CENPC: variants seen among roughly 807,000 people sequenced by gnomAD.
CENPC encodes the protein CENP-C 1.
A neutral mutation model predicts 112.1 loss-of-function variants in CENPC; 63 were observed. That is an observed-to-expected ratio of 0.56 (90% CI 0.46 to 0.69). CENPC has a LOEUF of 0.69. Ranked by LOEUF, CENPC falls within the 30% of genes least tolerant of loss-of-function variation. The probability of loss-of-function intolerance (pLI) is 0.00; values close to 1 mark genes in which losing one functional copy is unlikely to be tolerated. For synonymous variants in CENPC, 333 were observed against 367.6 expected (o/e 0.91, Z 1.08); for missense variants, 1,000 against 1,103.8 (o/e 0.91, Z 1.33).
At chr4:67,543,144 T>C (rs1156894350) in intron 2 of CENPC, among the ~76,000 whole-genome samples, 1 of 152,170 alleles carries the variant, frequency 6.6e-6, no homozygotes, top group Non-Finnish European at 1.5e-5. Context: ...GGAGAGCTTA[T>C]TCAAGCCTAT....
intron 9 of CENPC, chr4:67,511,047 C>A: frequency 2.2e-6 from 1 of 456,058 alleles, no homozygotes; most frequent in South Asian, 1.5e-5. Flanking sequence ...AAGTGAGTTC[C>A]CCAAAGCAGT....
chr4:67,509,201 T>TAC (rs1242989964), intron 9 of CENPC, 96 bp from the exon 10 acceptor site: 9 of 576,178 alleles, frequency 1.6e-5, no homozygotes, highest in African/African-American at 5.2e-5. Context: ...TATAAACATA[T>TAC]ACACATACAC....
At position 67,470,256 on chromosome 4, in the gene CENPC, G is replaced by A. The variant is rs1042472068; in HGVS notation, c.*2349C>T. The A allele has an allele frequency of 4.6e-5, 7 of 152,166 alleles. No homozygotes were observed. The highest frequency in any genetic ancestry group is 7.3e-5 in the Non-Finnish European group (5 of 68,112). 9.4% of individuals were successfully genotyped at this position (152,166 alleles called of 1,614,324 possible). On this transcript the variant is annotated 3_prime_UTR_variant, in exon 19 of 19. Transcript: ENST00000273853. ...GGAGAGCCTTTGCTGAACCATATGG[G>A]CTTTCAGTTTAGACAAAGAAAGGCT...
chr4:67,501,704 G>A (rs1290192154), intron 12 of CENPC, among the ~76,000 whole-genome samples: 1 of 152,118 alleles, frequency 6.6e-6, no homozygotes, highest in Non-Finnish European at 1.5e-5. Context: ...TGGTTCGAGG[G>A]TAGTTATATC....
chr4:67,493,086 T>C, intron 14 of CENPC, 89 bp from the exon 15 acceptor site: 1 of 1,069,982 alleles, frequency 9.3e-7, no homozygotes, highest in East Asian at 2.9e-5. Flanking sequence ...ACATTTCCTT[T>C]CAAAGTACCA....
chr4:67,496,088 G>A (rs568851021), intron 12 of CENPC, among the ~76,000 whole-genome samples: 2 of 152,286 alleles, frequency 1.3e-5, no homozygotes, highest in East Asian at 1.9e-4. Flanking sequence ...GGGGAAGACA[G>A]CAACAATATG....
intron 16 of CENPC, among the ~76,000 whole-genome samples, chr4:67,490,870 AT>A (rs1357607583): frequency 0.3 from 12,572 of 41,966 alleles, 870 homozygotes; most frequent in East Asian, 0.48. Context: ...ATATATATAT[AT>A]ATATATAGAA....
At chr4:67,475,811 G>A (rs781659384) in intron 17 of CENPC, among the ~76,000 whole-genome samples, 7 of 151,952 alleles carry the variant, frequency 4.6e-5, no homozygotes, top group African/African-American at 7.3e-5. Flanking sequence ...CCATGGTCTC[G>A]ATCTCCTGAC....
intron 12 of CENPC, among the ~76,000 whole-genome samples, chr4:67,499,461 A>C (rs979689019): frequency 8.5e-5 from 13 of 152,234 alleles, no homozygotes; most frequent in Non-Finnish European, 1.9e-4. Context: ...TTATGGAAAC[A>C]GCTTCTTTCC....
chr4:67,524,350 TA>T (rs1204372605), intron 5 of CENPC, among the ~76,000 whole-genome samples: 1 of 122,488 alleles, frequency 8.2e-6, no homozygotes, highest in Non-Finnish European at 1.7e-5. Flanking sequence ...GAGAAAGAAA[TA>T]AAGTGTATTC....
At chr4:67,487,148 T>G (rs1009983102) in intron 17 of CENPC, among the ~76,000 whole-genome samples, 7 of 151,994 alleles carry the variant, frequency 4.6e-5, no homozygotes, top group Admixed American at 3.3e-4. Flanking sequence ...AATGGTAGTA[T>G]TTTAACTCCA....
At position 67,514,197 on chromosome 4, in the gene CENPC, C is replaced by A. The variant is rs778096313; in HGVS notation, c.1321G>T (p.Asp441Tyr). 1 of 1,613,076 alleles carries A rather than the reference C, an allele frequency of 6.2e-7. No individual in the cohort carries two copies. Residue 441 changes from aspartate to tyrosine, a missense_variant, in exon 8 of 19, where the codon GAT (aspartate) becomes TAT (tyrosine). Transcript: ENST00000273853. ...EEQLDVGQSK[D>Y]ENIHTSHITQ... Reference sequence around the variant, plus strand: ...ATATGTGATGTATGTATGTTTTCATCTTTAGACTGTCCCACATCAAGCTGT... The same window carrying A: ...ATATGTGATGTATGTATGTTTTCATATTTAGACTGTCCCACATCAAGCTGT...
Position 67,495,156 on chromosome 4 carries a change from T to C in CENPC, c.2185+3A>G. On this transcript the variant is annotated splice_donor_region_variant and intron_variant, in intron 13 of 18. Coordinates refer to ENST00000273853, the MANE Select transcript of CENPC (RefSeq NM_001812.4). ...AAATATTAAAAAAGAAAAATATTCT[T>C]ACCTAGTTTGTGATGGATTCTGTTC... 1 of 1,518,558 alleles carries C rather than the reference T, an allele frequency of 6.6e-7. No homozygotes were observed. The highest frequency in any genetic ancestry group is 8.8e-7 in the Non-Finnish European group (1 of 1,136,152). 94.1% of individuals were successfully genotyped at this position (1,518,558 alleles called of 1,614,324 possible).
chr4:67,539,798 A>T, intron 4 of CENPC, 42 bp downstream of exon 4: 1 of 1,067,676 alleles, frequency 9.4e-7, no homozygotes, highest in Admixed American at 2.8e-5. Context: ...ACCTTCATTC[A>T]TTAAAATATT....
intron 12 of CENPC, 67 bp downstream of exon 12, chr4:67,505,138 C>T: frequency 8.9e-7 from 1 of 1,124,158 alleles, no homozygotes; most frequent in Admixed American, 2.4e-5. Flanking sequence ...GTAAACAAAA[C>T]ATAGCACTCC....
chr4:67,516,149 G>A (rs1276046733), intron 7 of CENPC, among the ~76,000 whole-genome samples: 3 of 152,006 alleles, frequency 2.0e-5, no homozygotes, highest in Non-Finnish European at 2.9e-5. Context: ...TTAATGAGGT[G>A]TTGAATAAAT....
chr4:67,487,465 C>G (rs1265899862), intron 17 of CENPC, among the ~76,000 whole-genome samples: 1 of 151,720 alleles, frequency 6.6e-6, no homozygotes, highest in East Asian at 1.9e-4. Context: ...TGAAACATGA[C>G]CCAATCTTAA....
intron 12 of CENPC, among the ~76,000 whole-genome samples, chr4:67,502,481 A>C (rs2109789728): frequency 6.6e-6 from 1 of 152,316 alleles, no homozygotes; most frequent in South Asian, 2.1e-4. Context: ...AAAAGCATTT[A>C]ACACAACGAA....
intron 5 of CENPC, among the ~76,000 whole-genome samples, chr4:67,528,384 T>C (rs1377651031): frequency 6.6e-6 from 1 of 152,202 alleles, no homozygotes; most frequent in African/African-American, 2.4e-5. Context: ...TGGCATTAAG[T>C]ACATTCACAA....
Sources: gnomAD v4.1 joint callset for allele counts (sites outside exome capture counted in the v4.1 genomes callset) on GRCh38, gnomAD v4.1.1 for gene constraint, MANE v1.5 for transcripts, NCBI Gene and HGNC (gene_info 2026-07-23, HGNC 2026-07-21) for gene names.